The following ANTXR2 variants were observed in gnomAD, a reference collection of about 807,000 sequenced individuals.
ANTXR2 encodes the protein anthrax toxin receptor 2.
Under a neutral mutation model 73.7 loss-of-function variants are expected in ANTXR2, and 44 were observed. The ratio of observed to expected loss-of-function variants is 0.60; its 90% CI spans 0.47 to 0.77. ANTXR2 has a LOEUF of 0.77. ANTXR2 is among the 30% of genes least tolerant of loss of function. The pLI is 0.00. For synonymous variants in ANTXR2, 217 were observed against 205.9 expected, an observed-to-expected ratio of 1.05 and a Z score of -0.46; for missense variants, 604 against 592.5, an observed-to-expected ratio of 1.02 and a Z score of -0.20.
At chr4:80,021,000 T>C (rs1368232052) in intron 10 of ANTXR2, among the ~76,000 whole-genome samples, 2 of 151,668 alleles carry the variant, frequency 1.3e-5, no homozygotes, top group Non-Finnish European at 1.5e-5. Context: ...TACAAAAAAA[T>C]TAGCCGGGCA....
intron 3 of ANTXR2, among the ~76,000 whole-genome samples, chr4:80,056,888 G>A (rs75080365): frequency 2.0e-4 from 31 of 151,808 alleles, no homozygotes; most frequent in East Asian, 1.9e-3. Context: ...GAAACCTCTC[G>A]AAAATAAATA....
intron 16 of ANTXR2, among the ~76,000 whole-genome samples, chr4:79,952,017 G>T (rs1317693475): frequency 6.6e-6 from 1 of 151,986 alleles, no homozygotes. Flanking sequence ...GGGTTTCAAA[G>T]ACTGCCTGAA....
intron 16 of ANTXR2, among the ~76,000 whole-genome samples, chr4:79,929,737 C>A (rs1017937681): frequency 6.6e-6 from 1 of 151,508 alleles, no homozygotes; most frequent in African/African-American, 2.4e-5. Context: ...TGCAAATATA[C>A]AAAAAAAAGT....
intron 12 of ANTXR2, among the ~76,000 whole-genome samples, chr4:79,986,836 C>T (rs951890910): frequency 4.6e-5 from 7 of 152,172 alleles, no homozygotes; most frequent in African/African-American, 7.2e-5. Flanking sequence ...AAGCCATATG[C>T]CCAGTCCCAG....
chr4:80,054,876 T>A (rs1485393050), intron 6 of ANTXR2, among the ~76,000 whole-genome samples: 4 of 151,504 alleles, frequency 2.6e-5, no homozygotes, highest in Non-Finnish European at 5.9e-5. Context: ...TCAATTGAGT[T>A]AAGAGAAATA....
intron 16 of ANTXR2, among the ~76,000 whole-genome samples, chr4:79,934,020 G>T (rs1215963625): frequency 1.3e-5 from 2 of 152,072 alleles, no homozygotes; most frequent in Non-Finnish European, 2.9e-5. Context: ...TTGCAGGCAT[G>T]AGCCATCGCG....
At chr4:79,910,507 C>CA (rs144527286) in intron 16 of ANTXR2, among the ~76,000 whole-genome samples, 92 of 95,548 alleles carry the variant, frequency 9.6e-4, no homozygotes, top group African/African-American at 1.8e-3. Context: ...GACTCCGTCT[C>CA]AAAAAAAAAA....
Position 80,054,262 on chromosome 4 carries a change from A to AG in ANTXR2, c.636+9_636+10insC. On this transcript the variant is annotated intron_variant, in intron 7 of 16. Transcript: ENST00000403729. Reference sequence around the variant, plus strand: ...TTATGAGCCCTTCCTGCCCCCAGAGAAATACTCACAGAATTAATTATTCCT... The same window carrying AG: ...TTATGAGCCCTTCCTGCCCCCAGAGAGAATACTCACAGAATTAATTATTCCT... 1 of 1,587,006 alleles carries AG rather than the reference A, an allele frequency of 6.3e-7. No individual in the cohort carries two copies. The highest frequency in any genetic ancestry group is 1.4e-5 in the African/African-American group (1 of 73,440).
At chr4:79,920,043 G>A (rs2109942793) in intron 16 of ANTXR2, among the ~76,000 whole-genome samples, 1 of 151,250 alleles carries the variant, frequency 6.6e-6, no homozygotes, top group East Asian at 2.0e-4. Context: ...AATGCTAAGT[G>A]GGAATTATAA....
chr4:80,022,492 A>G (rs1357191810), intron 10 of ANTXR2, among the ~76,000 whole-genome samples: 2 of 152,212 alleles, frequency 1.3e-5, no homozygotes, highest in African/African-American at 4.8e-5. Context: ...ATAGGTTGAG[A>G]AAACCGCCCA....
At chr4:79,931,371 G>A (rs893099999) in intron 16 of ANTXR2, among the ~76,000 whole-genome samples, 1 of 152,038 alleles carries the variant, frequency 6.6e-6, no homozygotes, top group Admixed American at 6.6e-5. Flanking sequence ...CAAATATTTT[G>A]TGCTTACCAA....
At chr4:79,984,670 G>T in intron 13 of ANTXR2, 149 bp downstream of exon 13, 1 of 750,254 alleles carries the variant, frequency 1.3e-6, no homozygotes, top group Non-Finnish European at 2.3e-6. Context: ...ATCATAAGAG[G>T]ATGAAAAATA....
chr4:80,011,577 G>A lies in ANTXR2; in HGVS notation c.946-2961C>T, dbSNP rs1021135576. On this transcript the variant is annotated intron_variant, in intron 11 of 16. Coordinates refer to ENST00000403729, the MANE Select transcript of ANTXR2 (RefSeq NM_058172.6). ...AAGAGAGGCATGCCTATGTAAAACTGAGAAGCTTCTAGTTTCGCTCGTGAT... is the reference window on the plus strand; with the variant it reads ...AAGAGAGGCATGCCTATGTAAAACTAAGAAGCTTCTAGTTTCGCTCGTGAT... Among the ~76,000 whole-genome samples the A allele has an allele frequency of 3.3e-5, 5 of 152,220 alleles. 1 individual carries two copies. In the South Asian group the frequency reaches 1.0e-3, roughly 32 times the overall value.
chr4:79,902,282 T>C lies in ANTXR2; in HGVS notation c.*5147A>G, dbSNP rs1726737351. 6.6e-6 allele frequency: 1 copy of C among 152,190 alleles called. No individual in the cohort carries two copies. The highest frequency in any genetic ancestry group is 6.6e-5 in the Admixed American group (1 of 15,260). The allele number at this position is 152,190 out of a possible 1,614,324, so 9.4% of individuals were successfully genotyped here. ...TTCTACATTAAGACAATGCAAACTT[T>C]GTGAAAGGCTAGCAATTGTAACATA... On this transcript the variant is annotated 3_prime_UTR_variant, in exon 17 of 17. Coordinates refer to ENST00000403729, the MANE Select transcript of ANTXR2 (RefSeq NM_058172.6).
chr4:79,965,436 A>G (rs2110000561), intron 16 of ANTXR2, among the ~76,000 whole-genome samples: 1 of 152,320 alleles, frequency 6.6e-6, no homozygotes, highest in East Asian at 1.9e-4. Context: ...ATTCTCATTT[A>G]CTTCTTGACA....
chr4:80,012,290 A>G (rs1025751518), intron 11 of ANTXR2, among the ~76,000 whole-genome samples: 1 of 152,162 alleles, frequency 6.6e-6, no homozygotes, highest in Non-Finnish European at 1.5e-5. Context: ...ACTATGGTAC[A>G]AGAGTCAAAT....
intron 12 of ANTXR2, among the ~76,000 whole-genome samples, chr4:79,987,360 T>C (rs1028736884): frequency 6.6e-6 from 1 of 151,222 alleles, no homozygotes; most frequent in African/African-American, 2.4e-5. Flanking sequence ...AATTACAAAA[T>C]AGATGAAGCT....
At chr4:80,041,754 T>A (rs535837791) in intron 7 of ANTXR2, among the ~76,000 whole-genome samples, 1 of 152,252 alleles carries the variant, frequency 6.6e-6, no homozygotes, top group South Asian at 2.1e-4. Flanking sequence ...TCGCTGAGGA[T>A]AATGGCTTCC....
At position 80,008,575 on chromosome 4, in the gene ANTXR2, C is replaced by T; in HGVS notation, c.987G>A (p.Leu329=). The T allele has an allele frequency of 6.2e-7, 1 of 1,606,390 alleles. No homozygotes were observed. The highest frequency in any genetic ancestry group is 8.5e-7 in the Non-Finnish European group (1 of 1,177,210). ...IAAIIVILVL[L]LLLGIGLMWW... ...ACATCAAACCGATCCCCAGGAGTAGCAGTAACACCAAAATAACAATGATGG... is the reference window on the plus strand; with the variant it reads ...ACATCAAACCGATCCCCAGGAGTAGTAGTAACACCAAAATAACAATGATGG... Residue 329 remains leucine (L), a synonymous_variant, in exon 12 of 17, where the codon CTG becomes CTA. Transcript: ENST00000403729.
Sources: gnomAD v4.1 joint callset for allele counts (sites outside exome capture counted in the v4.1 genomes callset) on GRCh38, gnomAD v4.1.1 for gene constraint, MANE v1.5 for transcripts, NCBI Gene and HGNC (gene_info 2026-07-23, HGNC 2026-07-21) for gene names.